Variants in UBASH3B observed in about 807,000 individuals in gnomAD.
UBASH3B encodes ubiquitin associated and SH3 domain containing B.
In UBASH3B, 37 loss-of-function variants were observed where a neutral mutation model predicts 83.4. The ratio of observed to expected loss-of-function variants is 0.44; its 90% CI spans 0.34 to 0.58. The LOEUF is 0.58. UBASH3B is among the 20% of genes least tolerant of loss of function. The probability of loss-of-function intolerance (pLI) is 0.01; values close to 1 mark genes in which losing one functional copy is unlikely to be tolerated. For missense variants in UBASH3B, 657 were observed against 827.2 expected, an observed-to-expected ratio of 0.79 and a Z score of 2.52; for synonymous variants, 304 against 318.3, an observed-to-expected ratio of 0.96 and a Z score of 0.48.
intron 7 of UBASH3B, 88 bp downstream of exon 7, chr11:122,794,922 G>C: frequency 6.5e-7 from 1 of 1,545,100 alleles, no homozygotes; most frequent in Admixed American, 2.1e-5. Context: ...TGCCCTTGCT[G>C]TCTCCAAAGC....
rs547545767 is a variant in UBASH3B at position 122,718,865 on chromosome 11, G to A, written c.162-57354G>A. Among the ~76,000 whole-genome samples the A allele has an allele frequency of 4.5e-4, 68 of 152,078 alleles. 1 individual carries two copies. The South Asian group carries it at 6.4e-3, about 14-fold the overall frequency. Reference sequence around the variant, plus strand: ...AGCCTGGGCAACATGGTGAAACACCGTCTCACCTAAAAATACAAAAAATTA... The same window carrying A: ...AGCCTGGGCAACATGGTGAAACACCATCTCACCTAAAAATACAAAAAATTA... On this transcript the variant is annotated intron_variant, in intron 1 of 13. Transcript: ENST00000284273.
chr11:122,756,767 A>C (rs570975329), intron 1 of UBASH3B, among the ~76,000 whole-genome samples: 1 of 152,152 alleles, frequency 6.6e-6, no homozygotes, highest in African/African-American at 2.4e-5. Flanking sequence ...GCTGCTCCCT[A>C]TGAAGGGGGT....
At chr11:122,728,397 CG>C (rs1565543809) in intron 1 of UBASH3B, among the ~76,000 whole-genome samples, 1 of 152,016 alleles carries the variant, frequency 6.6e-6, no homozygotes, top group Non-Finnish European at 1.5e-5. Context: ...TGAAGCAGGT[CG>C]GGGGATTGGG....
intron 1 of UBASH3B, among the ~76,000 whole-genome samples, chr11:122,727,945 A>G (rs1860772553): frequency 6.6e-6 from 1 of 152,174 alleles, no homozygotes; most frequent in African/African-American, 2.4e-5. Flanking sequence ...ACCTAGAGGA[A>G]GTCCACCTCA....
chr11:122,680,881 A>G (rs569066070), intron 1 of UBASH3B, among the ~76,000 whole-genome samples: 1 of 152,228 alleles, frequency 6.6e-6, no homozygotes, highest in Admixed American at 6.5e-5. Flanking sequence ...CTTTTTTCTG[A>G]TATGTTGCAA....
chr11:122,801,152 G>T, intron 10 of UBASH3B, 36 bp from the exon 11 acceptor site: 1 of 1,606,616 alleles, frequency 6.2e-7, no homozygotes, highest in South Asian at 1.1e-5. Flanking sequence ...GAATCCACAG[G>T]CACTTTCTTC....
At chr11:122,668,516 C>T (rs2135897355) in intron 1 of UBASH3B, among the ~76,000 whole-genome samples, 1 of 152,274 alleles carries the variant, frequency 6.6e-6, no homozygotes, top group African/African-American at 2.4e-5. Context: ...GAAAGTGCCA[C>T]TTGTACCAGT....
chr11:122,785,176 G>A (rs759040650), intron 5 of UBASH3B, among the ~76,000 whole-genome samples: 2 of 152,210 alleles, frequency 1.3e-5, no homozygotes, highest in African/African-American at 2.4e-5. Context: ...AAGGCAGCAA[G>A]CGCCCACGGG....
chr11:122,660,017 G>A (rs1414760840), intron 1 of UBASH3B, among the ~76,000 whole-genome samples: 4 of 152,170 alleles, frequency 2.6e-5, no homozygotes, highest in African/African-American at 9.7e-5. Flanking sequence ...TCCCCTCAGG[G>A]CCATGCTGTT....
intron 1 of UBASH3B, among the ~76,000 whole-genome samples, chr11:122,682,036 C>A (rs1271039245): frequency 6.6e-6 from 1 of 152,092 alleles, no homozygotes; most frequent in Non-Finnish European, 1.5e-5. Context: ...GTTCTCCCTG[C>A]CTTGTCAAAA....
chr11:122,720,744 G>C (rs1860611988), intron 1 of UBASH3B, among the ~76,000 whole-genome samples: 1 of 152,052 alleles, frequency 6.6e-6, no homozygotes, highest in South Asian at 2.1e-4. Flanking sequence ...CTCCCTCCCT[G>C]ACTCATTCAT....
At chr11:122,776,101 C>A in intron 1 of UBASH3B, 118 bp from the exon 2 acceptor site, 2 of 873,360 alleles carry the variant, frequency 2.3e-6, no homozygotes, top group Non-Finnish European at 1.8e-6. Flanking sequence ...CTACTCCCCA[C>A]CACAGAGGAT....
At position 122,777,091 on chromosome 11, in the gene UBASH3B, C is replaced by T. The variant is rs377346539; in HGVS notation, c.283C>T (p.Arg95Cys). The change falls in exon 3 of 14, where the codon CGT becomes TGT. Residue 95 changes from arginine (R) to cysteine (C), a missense_variant. This residue lies in a region of UBASH3B where 573 missense variants were observed against 739.0 expected (regional missense o/e 0.78). Transcript: ENST00000284273. Reference protein sequence around the residue: ...PLPREYVLYLRPTGPLAQKLS... With the variant: ...PLPREYVLYLCPTGPLAQKLS... ...GCCCCGGGAGTACGTCCTCTACCTC[C>T]GTCCCACCGGCCCCTTAGCACAGAA... The T allele has an allele frequency of 2.0e-5, 33 of 1,613,942 alleles. No individual in the cohort carries two copies. The Middle Eastern group carries it at 4.9e-4, about 24-fold the overall frequency.
At chr11:122,800,397 A>AG (rs1209174181) in intron 10 of UBASH3B, among the ~76,000 whole-genome samples, 1 of 149,920 alleles carries the variant, frequency 6.7e-6, no homozygotes, top group African/African-American at 2.4e-5. Context: ...AAAAAAAAAA[A>AG]AAAAACAAGA....
intron 1 of UBASH3B, among the ~76,000 whole-genome samples, chr11:122,672,528 G>C (rs569378464): frequency 7.2e-5 from 11 of 152,242 alleles, no homozygotes; most frequent in African/African-American, 2.2e-4. Flanking sequence ...GTTTCACCAT[G>C]TTGGCCAGGC....
At chr11:122,684,590 G>A (rs1335695277) in intron 1 of UBASH3B, among the ~76,000 whole-genome samples, 1 of 152,078 alleles carries the variant, frequency 6.6e-6, no homozygotes, top group African/African-American at 2.4e-5. Flanking sequence ...GGAACTCAAA[G>A]CGATGCAGGT....
chr11:122,719,562 A>T (rs1426620012), intron 1 of UBASH3B, among the ~76,000 whole-genome samples: 1 of 152,192 alleles, frequency 6.6e-6, no homozygotes, highest in Non-Finnish European at 1.5e-5. Flanking sequence ...ATCCCATCAC[A>T]TAGGTCAAGG....
At chr11:122,766,073 G>C (rs1860530402) in intron 1 of UBASH3B, among the ~76,000 whole-genome samples, 1 of 152,178 alleles carries the variant, frequency 6.6e-6, no homozygotes, top group Non-Finnish European at 1.5e-5. Context: ...CGAAAGGAGA[G>C]GGGCAGGATA....
rs2135191581 is a variant in UBASH3B at position 122,806,633 on chromosome 11, G to T, written c.1702+117G>T. On this transcript the variant is annotated intron_variant, in intron 12 of 13. Coordinates refer to ENST00000284273, the MANE Select transcript of UBASH3B (RefSeq NM_032873.5). This position sits in a 1 kb window ranked among gnomAD's most constrained non-coding sequence, Gnocchi z 4.0. ...GGCTAACCAAAGAAATGTATTTCCA[G>T]ATTTTCTTCCAGATACTTTTACATT... 7.6e-7 allele frequency: 1 copy of T among 1,320,108 alleles called. No homozygotes were observed. Among genetic ancestry groups the T allele is most frequent in the East Asian group, 3.1e-5 (1 of 32,438 alleles). The allele number at this position is 1,320,108 out of a possible 1,614,324, so 81.8% of individuals were successfully genotyped here.
Sources: gnomAD v4.1 joint callset for allele counts (sites outside exome capture counted in the v4.1 genomes callset) on GRCh38, gnomAD v4.1.1 for gene constraint, gnomAD v4.1.1 regional missense constraint, Gnocchi (gnomAD v3.1) non-coding constraint, MANE v1.5 for transcripts, NCBI Gene and HGNC (gene_info 2026-07-23, HGNC 2026-07-21) for gene names.